The following CIMIP2B variants were observed in gnomAD, a reference collection of about 807,000 sequenced individuals.
CIMIP2B encodes family with sequence similarity 166 member B.
the CIMIP2B span, chr9:35,562,757 T>C: frequency 1.9e-6 from 3 of 1,611,448 alleles, no homozygotes; most frequent in South Asian, 3.3e-5. Flanking sequence ...GAGCTGACAA[T>C]CAAGTGCACA....
the CIMIP2B span, chr9:35,562,636 C>T: frequency 1.2e-6 from 2 of 1,613,010 alleles, no homozygotes; most frequent in Non-Finnish European, 1.7e-6. Context: ...GATCCTGACC[C>T]CCCAGCTCTC....
the CIMIP2B span, chr9:35,562,931 G>C: frequency 1.9e-6 from 3 of 1,613,964 alleles, no homozygotes; most frequent in East Asian, 4.5e-5. Flanking sequence ...TCTGGCACCT[G>C]GTCCTTCTCT....
chr9:35,563,472 A>T, the CIMIP2B span: 1 of 1,089,422 alleles, frequency 9.2e-7, no homozygotes, highest in South Asian at 1.4e-5. Context: ...TGAAGCCCTG[A>T]TCTTTCTGGA....
chr9:35,563,288 G>A, the CIMIP2B span: 1 of 1,613,926 alleles, frequency 6.2e-7, no homozygotes, highest in Non-Finnish European at 8.5e-7. Flanking sequence ...GCGGTGGACA[G>A]GGGGCCAGGC....
At chr9:35,563,380 T>C in the CIMIP2B span, 1 of 1,610,532 alleles carries the variant, frequency 6.2e-7, no homozygotes, top group Admixed American at 1.7e-5. Context: ...GTGGGCAGTG[T>C]CCAGTGTACC....
At chr9:35,562,661 A>C in the CIMIP2B span, 1 of 1,613,572 alleles carries the variant, frequency 6.2e-7, no homozygotes, top group African/African-American at 1.3e-5. Context: ...GACATGAAGA[A>C]CTTCCGAGGG....
At chr9:35,562,603 T>G in the CIMIP2B span, 19 of 1,610,180 alleles carry the variant, frequency 1.2e-5, no homozygotes, top group Non-Finnish European at 1.5e-5. Flanking sequence ...AGCCAAGGCA[T>G]CCTGGGGCCT....
At chr9:35,562,770 C>A in the CIMIP2B span, 2 of 1,610,086 alleles carry the variant, frequency 1.2e-6, no homozygotes, top group East Asian at 2.2e-5. Context: ...AGTGCACATC[C>A]CCTGAACCCA....
At chr9:35,563,289 G>A in the CIMIP2B span, 3 of 1,613,960 alleles carry the variant, frequency 1.9e-6, no homozygotes, top group Non-Finnish European at 2.5e-6. Context: ...CGGTGGACAG[G>A]GGGCCAGGCT....
At chr9:35,563,131 C>T in the CIMIP2B span, 3 of 1,613,506 alleles carry the variant, frequency 1.9e-6, no homozygotes, top group Non-Finnish European at 2.5e-6. Flanking sequence ...ACACATGCTC[C>T]TGGGAGGGGC....
chr9:35,562,761 G>A, the CIMIP2B span: 11 of 1,610,938 alleles, frequency 6.8e-6, no homozygotes, highest in Non-Finnish European at 9.3e-6. Flanking sequence ...TGACAATCAA[G>A]TGCACATCCC....
chr9:35,563,026 G>A, the CIMIP2B span: 14 of 1,613,986 alleles, frequency 8.7e-6, no homozygotes, highest in Non-Finnish European at 1.2e-5. Context: ...CAGAGCCTCG[G>A]CCCAGACCTG....
chr9:35,563,163 AACCTGTGT>A, the CIMIP2B span: 89 of 1,613,592 alleles, frequency 5.5e-5, no homozygotes, highest in African/African-American at 9.9e-4. Flanking sequence ...CCTGCGTACA[AACCTGTGT>A]ACCCAGGGAT....
the CIMIP2B span, chr9:35,562,815 A>G: frequency 1.2e-6 from 2 of 1,610,882 alleles, no homozygotes; most frequent in Non-Finnish European, 1.7e-6. Flanking sequence ...CACTGCCCGG[A>G]CACACAGTAA....
chr9:35,561,935 ACCC>A, the CIMIP2B span: 2 of 149,860 alleles, frequency 1.3e-5, no homozygotes, highest in Non-Finnish European at 1.3e-5. Context: ...CCACCCTCCC[ACCC>A]ACCTCTCTCC....
At chr9:35,562,792 C>T in the CIMIP2B span, 1 of 1,609,038 alleles carries the variant, frequency 6.2e-7, no homozygotes, top group Non-Finnish European at 8.5e-7. Flanking sequence ...AGCCACACTA[C>T]TCATGCTGCC....
At chr9:35,562,256 T>C in the CIMIP2B span, 1 of 1,064,094 alleles carries the variant, frequency 9.4e-7, no homozygotes, top group Non-Finnish European at 1.3e-6. Flanking sequence ...ATAATAAAGC[T>C]GAACCACATG....
At chr9:35,563,641 C>T in the CIMIP2B span, 1 of 860,718 alleles carries the variant, frequency 1.2e-6, no homozygotes, top group East Asian at 2.6e-5. Context: ...TTCCATCCAC[C>T]ACCATAGAGA....
chr9:35,563,435 A>T, the CIMIP2B span: 5 of 1,450,770 alleles, frequency 3.4e-6, no homozygotes, highest in Non-Finnish European at 3.8e-6. Context: ...CTGCCCCGCC[A>T]TCCCCAGAGG....
Sources: gnomAD v4.1 joint callset for allele counts on GRCh38, gnomAD v4.1.1 for gene constraint, MANE v1.5 for transcripts, NCBI Gene and HGNC (gene_info 2026-07-23, HGNC 2026-07-21) for gene names.